LIMS1: variants seen among roughly 807,000 people sequenced by gnomAD.
LIMS1 encodes the protein LIM and senescent cell antigen-like-containing domain protein 1.
A neutral mutation model predicts 44.1 loss-of-function variants in LIMS1; 18 were observed. That is an observed-to-expected ratio of 0.41 (90% confidence interval 0.28 to 0.61). The LOEUF (loss-of-function observed/expected upper bound fraction) is 0.61, where lower values mean the gene tolerates loss of function less well. Ranked by LOEUF, LIMS1 falls within the 20% of genes least tolerant of loss-of-function variation. LIMS1 has a pLI of 0.32. For synonymous variants in LIMS1, 93 were observed against 149.1 expected (o/e 0.62, Z 2.74); for missense variants, 201 against 422.0 (o/e 0.48, Z 4.59).
chr2:108,624,996 T>A (rs1004974240), intron 1 of LIMS1, among the ~76,000 whole-genome samples: 12 of 152,094 alleles, frequency 7.9e-5, no homozygotes, highest in African/African-American at 2.9e-4. Flanking sequence ...CGAGAATTGT[T>A]TGAGCCTGGA....
At chr2:108,551,489 GCGCA>G (rs1553450732) in intron 1 of LIMS1, among the ~76,000 whole-genome samples, 3,104 of 111,830 alleles carry the variant, frequency 0.028, 41 homozygotes, top group Middle Eastern at 0.06. Flanking sequence ...ATGCGCGCGC[GCGCA>G]CACACACACA....
At chr2:108,547,834 G>GA (rs1475575780) in intron 1 of LIMS1, among the ~76,000 whole-genome samples, 2 of 152,104 alleles carry the variant, frequency 1.3e-5, no homozygotes, top group African/African-American at 4.8e-5. Context: ...TCTTTCTTTA[G>GA]AATACAATAC....
At position 108,679,803 on chromosome 2, in the gene LIMS1, T is replaced by C. The variant is rs11892981; in HGVS notation, c.824-892T>C. 5.3e-3 allele frequency among the ~76,000 whole-genome samples: 800 copies of C among 152,146 alleles called. 7 individuals carry two copies. The highest frequency in any genetic ancestry group is 0.018 in the African/African-American group (756 of 41,506). ...GGTAGCACACACCTATGGTCCCAGC[T>C]ACACAGGAGAACGAGAGGAGAAGAT... On this transcript the variant is annotated intron_variant, in intron 8 of 9. Coordinates refer to ENST00000544547, the Ensembl canonical transcript of LIMS1.
At chr2:108,541,586 C>T (rs1684318291) in intron 1 of LIMS1, among the ~76,000 whole-genome samples, 1 of 152,218 alleles carries the variant, frequency 6.6e-6, no homozygotes, top group African/African-American at 2.4e-5. Flanking sequence ...GGTCCAAACT[C>T]CAGCGCCTGG....
chr2:108,602,126 T>C (rs13396405), intron 1 of LIMS1, among the ~76,000 whole-genome samples: 62,778 of 152,138 alleles, frequency 0.41, 14,887 homozygotes, highest in East Asian at 0.94. Context: ...CATATAGAAA[T>C]GGTACTGACT....
intron 1 of LIMS1, among the ~76,000 whole-genome samples, chr2:108,642,093 G>A (rs994496418): frequency 1.3e-5 from 2 of 152,162 alleles, no homozygotes; most frequent in African/African-American, 4.8e-5. Context: ...AATGCAGTTG[G>A]AGAAGCTTCA....
chr2:108,617,945 G>A (rs1688020044), intron 1 of LIMS1, among the ~76,000 whole-genome samples: 1 of 152,228 alleles, frequency 6.6e-6, no homozygotes, highest in African/African-American at 2.4e-5. Context: ...CAGACCAATT[G>A]TTAAGGCAAA....
intron 1 of LIMS1, among the ~76,000 whole-genome samples, chr2:108,575,717 A>G (rs1685646512): frequency 6.6e-6 from 1 of 152,108 alleles, no homozygotes; most frequent in South Asian, 2.1e-4. Flanking sequence ...TTTATTCTTT[A>G]AAGTATTTTA....
intron 1 of LIMS1, among the ~76,000 whole-genome samples, chr2:108,600,113 A>C (rs1402631329): frequency 6.6e-6 from 1 of 151,020 alleles, no homozygotes; most frequent in African/African-American, 2.4e-5. Flanking sequence ...GCTGTGACGC[A>C]ATCTCTGCTC....
intron 1 of LIMS1, chr2:108,621,128 C>G: frequency 3.4e-6 from 2 of 590,272 alleles, no homozygotes; most frequent in African/African-American, 3.7e-5. Context: ...CTTCCCCCCT[C>G]CCCAAGGTGC....
chr2:108,677,536 GA>G (rs1373183870), intron 7 of LIMS1: 3 of 168,042 alleles, frequency 1.8e-5, no homozygotes, highest in African/African-American at 7.2e-5. Context: ...TATGACCATG[GA>G]AATGTCCTGT....
intron 1 of LIMS1, among the ~76,000 whole-genome samples, chr2:108,599,157 A>G (rs2104713058): frequency 6.6e-6 from 1 of 152,274 alleles, no homozygotes; most frequent in East Asian, 1.9e-4. Flanking sequence ...TTTTGTACCC[A>G]TTAACCATTC....
At chr2:108,656,531 C>A (rs1200036389) in intron 1 of LIMS1, among the ~76,000 whole-genome samples, 1 of 151,862 alleles carries the variant, frequency 6.6e-6, no homozygotes, top group Non-Finnish European at 1.5e-5. Flanking sequence ...AAAAAAAAAA[C>A]AACAGGCATT....
chr2:108,575,972 T>G (rs1237569944), intron 1 of LIMS1, among the ~76,000 whole-genome samples: 1 of 152,178 alleles, frequency 6.6e-6, no homozygotes, highest in Non-Finnish European at 1.5e-5. Flanking sequence ...AGCAGGCACC[T>G]GGGGCCAGGA....
chr2:108,534,619 C>T, intron 1 of LIMS1, 25 bp downstream of exon 1: 3 of 1,111,510 alleles, frequency 2.7e-6, no homozygotes, highest in East Asian at 9.8e-5. Flanking sequence ...GCGCGGCCCC[C>T]GCCACGTCCG....
intron 5 of LIMS1, chr2:108,673,329 A>C (rs1019900332): frequency 4.3e-6 from 2 of 465,944 alleles, no homozygotes; most frequent in Non-Finnish European, 7.6e-6. Flanking sequence ...CATGAGTCCC[A>C]GTATGCGTCT....
At chr2:108,541,282 T>C (rs1488123433) in intron 1 of LIMS1, among the ~76,000 whole-genome samples, 1 of 152,254 alleles carries the variant, frequency 6.6e-6, no homozygotes, top group Non-Finnish European at 1.5e-5. Flanking sequence ...TGTTTTGTTT[T>C]TGTTTGCTTA....
At chr2:108,625,587 C>CA (rs752301229) in intron 1 of LIMS1, among the ~76,000 whole-genome samples, 86 of 151,174 alleles carry the variant, frequency 5.7e-4, no homozygotes, top group South Asian at 1.5e-3. Context: ...TCCCCCCCCC[C>CA]AAAAAAATGC....
chr2:108,637,949 A>G (rs1423986413), intron 1 of LIMS1, among the ~76,000 whole-genome samples: 1 of 151,518 alleles, frequency 6.6e-6, no homozygotes, highest in Non-Finnish European at 1.5e-5. Flanking sequence ...CATAGCTCAC[A>G]GGCTCAAGCG....
Sources: gnomAD v4.1 joint callset for allele counts (sites outside exome capture counted in the v4.1 genomes callset) on GRCh38, gnomAD v4.1.1 for gene constraint, MANE v1.5 for transcripts, NCBI Gene and HGNC (gene_info 2026-07-23, HGNC 2026-07-21) for gene names.